Variants in ST6GALNAC1 observed in about 807,000 individuals in gnomAD.
ST6GALNAC1 encodes alpha-N-acetylgalactosaminide alpha-2,6-sialyltransferase 1.
A neutral mutation model predicts 56.8 loss-of-function variants in ST6GALNAC1; 45 were observed. That is an observed-to-expected ratio of 0.79 (90% CI 0.62 to 1.02). The LOEUF is 1.02. Among genes scored for constraint, ST6GALNAC1 ranks in the 50% least tolerant of loss-of-function variants. The probability of loss-of-function intolerance (pLI) is 0.00; values close to 1 mark genes in which losing one functional copy is unlikely to be tolerated. For missense variants in ST6GALNAC1, 743 were observed against 754.8 expected (o/e 0.98, Z 0.18); for synonymous variants, 295 against 297.8 (o/e 0.99, Z 0.10).
intron 1 of ST6GALNAC1, among the ~76,000 whole-genome samples, chr17:76,640,767 T>A (rs991019340): frequency 2.0e-5 from 3 of 152,312 alleles, no homozygotes; most frequent in Middle Eastern, 3.4e-3. Context: ...AAGGAAAAGA[T>A]GGACACATGT....
chr17:76,638,437 AGCAATCTTAGCTCACT>A (rs922031695), intron 1 of ST6GALNAC1, among the ~76,000 whole-genome samples: 7 of 151,578 alleles, frequency 4.6e-5, no homozygotes, highest in African/African-American at 1.5e-4. Flanking sequence ...AGTGCAGTAG[AGCAATCTTAGCTCACT>A]GCAACCTCTG....
rs535535238 is a variant in ST6GALNAC1 at position 76,636,651 on chromosome 17, GTGGGGGTAGCCCCCACC to G, written c.131+6840_131+6856del. 5.9e-3 allele frequency among the ~76,000 whole-genome samples: 889 copies of G among 150,454 alleles called. 10 individuals are homozygous for G. The highest frequency in any genetic ancestry group is 0.021 in the African/African-American group (829 of 40,282). ...CCCGGCCAGCCTCCCCGTCCGGGAGGTGGGGGTAGCCCCCACCCAGCCGCCGCCCCGTCTGGGAGGTC... is the reference window on the plus strand; with the variant it reads ...CCCGGCCAGCCTCCCCGTCCGGGAGGCAGCCGCCGCCCCGTCTGGGAGGTC... On this transcript the variant is annotated intron_variant, in intron 1 of 8. Coordinates refer to ENST00000156626, the MANE Select transcript of ST6GALNAC1 (RefSeq NM_018414.5).
downstream of ST6GALNAC1, among the ~76,000 whole-genome samples, chr17:76,620,602 G>C (rs942305715): frequency 7.4e-5 from 11 of 148,752 alleles, no homozygotes; most frequent in Non-Finnish European, 1.5e-4. Flanking sequence ...TTGAGATGAA[G>C]TCTTGCTCTG....
intron 1 of ST6GALNAC1, among the ~76,000 whole-genome samples, chr17:76,642,108 ATATT>A (rs1156840149): frequency 4.0e-5 from 6 of 151,630 alleles, no homozygotes; most frequent in African/African-American, 1.5e-4. Flanking sequence ...TATAGCGTAT[ATATT>A]GTATATATAT....
At chr17:76,629,999 G>A (rs1183746217) in intron 1 of ST6GALNAC1, among the ~76,000 whole-genome samples, 1 of 151,954 alleles carries the variant, frequency 6.6e-6, no homozygotes, top group East Asian at 1.9e-4. Flanking sequence ...GGCCAGGCTG[G>A]TCTTGAACTC....
In ST6GALNAC1 at chr17:76,629,577, T is replaced by A. The variant is rs780175462; in HGVS notation, c.266A>T (p.Gln89Leu). 1 of 1,613,958 alleles carries A rather than the reference T, an allele frequency of 6.2e-7. No individual in the cohort carries two copies. The highest frequency in any genetic ancestry group is 1.1e-5 in the South Asian group (1 of 91,062). Residue 89 changes from glutamine to leucine, a missense_variant, in exon 2 of 9, where the codon CAA becomes CTA. Physicochemically the swap from Gln to Leu is moderately radical, Grantham distance 113. Coordinates refer to ENST00000156626, the MANE Select transcript of ST6GALNAC1 (RefSeq NM_018414.5). ...PVPENNALNT[Q>L]TQPKAHTTGD... Reference sequence around the variant, plus strand: ...GGTGGTGTGGGCCTTGGGCTGGGTTTGTGTGTTGAGGGCATTGTTCTCTGG... The same window carrying A: ...GGTGGTGTGGGCCTTGGGCTGGGTTAGTGTGTTGAGGGCATTGTTCTCTGG...
chr17:76,633,240 G>A (rs1179453322), intron 1 of ST6GALNAC1, among the ~76,000 whole-genome samples: 1 of 151,978 alleles, frequency 6.6e-6, no homozygotes, highest in African/African-American at 2.4e-5. Flanking sequence ...GCCAGGCGTG[G>A]TGGCTCACGC....
chr17:76,634,161 G>T (rs958716164), intron 1 of ST6GALNAC1, among the ~76,000 whole-genome samples: 2 of 152,218 alleles, frequency 1.3e-5, no homozygotes, highest in East Asian at 1.9e-4. Flanking sequence ...GTTGCGCCTG[G>T]TATGTGGGAA....
downstream of ST6GALNAC1, among the ~76,000 whole-genome samples, chr17:76,624,354 A>G (rs553514166): frequency 2.6e-5 from 4 of 152,080 alleles, no homozygotes; most frequent in East Asian, 7.7e-4. Context: ...GGTTCAAGTG[A>G]TTCTCCTGTC....
Position 76,625,537 on chromosome 17 carries a change from G to A in ST6GALNAC1, c.1606-10C>T, listed in dbSNP as rs775409453. 1.9e-5 allele frequency: 31 copies of A among 1,612,840 alleles called. No individual in the cohort carries two copies. The highest frequency in any genetic ancestry group is 2.4e-5 in the Non-Finnish European group (28 of 1,179,846). ...AGCCATAAGCACTCACCTACATCAC[G>A]GTTGGAGGAGAAACACGGCCTGTAG... On this transcript the variant is annotated splice_polypyrimidine_tract_variant and intron_variant, in intron 8 of 8. Coordinates refer to ENST00000156626, the MANE Select transcript of ST6GALNAC1 (RefSeq NM_018414.5).
Position 76,626,752 on chromosome 17 carries a change from C to T in ST6GALNAC1, c.1210G>A (p.Val404Met). Residue 404 changes from valine to methionine, a missense_variant, in exon 5 of 9, where the codon GTG becomes ATG. Coordinates refer to ENST00000156626, the MANE Select transcript of ST6GALNAC1 (RefSeq NM_018414.5). Reference sequence around the variant, plus strand: ...CCGTAGAAGGATGTCCGAGTCCCCACATCCTGTTCGTAGCCTTTAATGAGA... The same window carrying T: ...CCGTAGAAGGATGTCCGAGTCCCCATATCCTGTTCGTAGCCTTTAATGAGA... ...GALIKGYEQDVGTRTSFYGFT... is the reference protein window; with the variant it reads ...GALIKGYEQDMGTRTSFYGFT... 1.2e-6 allele frequency: 2 copies of T among 1,614,234 alleles called. No homozygotes were observed. The highest frequency in any genetic ancestry group is 1.7e-6 in the Non-Finnish European group (2 of 1,180,038).
chr17:76,631,061 ATC>A (rs202243154), intron 1 of ST6GALNAC1, among the ~76,000 whole-genome samples: 4,349 of 78,046 alleles, frequency 0.056, 98 homozygotes, highest in South Asian at 0.11. Flanking sequence ...TGCCCAGCTA[ATC>A]TCTGTGTGTG....
chr17:76,621,470 C>T (rs919912369), downstream of ST6GALNAC1, among the ~76,000 whole-genome samples: 15 of 150,870 alleles, frequency 9.9e-5, no homozygotes, highest in East Asian at 3.9e-4. Context: ...CATAAGCCAC[C>T]GCACCCGGGC....
Position 76,625,191 on chromosome 17 carries a change from T to G in ST6GALNAC1, c.*139A>C. On this transcript the variant is annotated 3_prime_UTR_variant, in exon 9 of 9. Transcript: ENST00000156626. Reference sequence around the variant, plus strand: ...TGCCATCTTGAGAGAGTCTTGTCCATGGTTCAAGTGTTCCCTTGGAACTCC... The same window carrying G: ...TGCCATCTTGAGAGAGTCTTGTCCAGGGTTCAAGTGTTCCCTTGGAACTCC... 2.4e-6 allele frequency: 2 copies of G among 841,176 alleles called. No individual in the cohort carries two copies. The highest frequency in any genetic ancestry group is 1.8e-6 in the Non-Finnish European group (1 of 552,268). 52.1% of individuals were successfully genotyped at this position (841,176 alleles called of 1,614,324 possible). A position where few individuals can be genotyped will look rare whatever the true frequency, so the allele number is the denominator to read the frequency against.
At chr17:76,637,654 G>C in intron 1 of ST6GALNAC1, 1 of 398,856 alleles carries the variant, frequency 2.5e-6, no homozygotes, top group Non-Finnish European at 4.4e-6. Context: ...GGCTGTTTCA[G>C]CAGCTACTCA....
Position 76,642,003 on chromosome 17 carries a change from T to C in ST6GALNAC1, c.131+1505A>G, listed in dbSNP as rs571121560. 17 of 16,146 alleles carry C rather than the reference T, an allele frequency of 1.1e-3. No individual in the cohort carries two copies. In the South Asian group the frequency reaches 0.065, roughly 62 times the overall value. The allele number at this position is 16,146 out of a possible 1,614,324, so 1.0% of individuals were successfully genotyped here. On this transcript the variant is annotated intron_variant, in intron 1 of 8. Transcript: ENST00000156626. Reference sequence around the variant, plus strand: ...TCTTGTGCATATATATGTAAATCTATATGATATATATGTGTATATATCTAT... The same window carrying C: ...TCTTGTGCATATATATGTAAATCTACATGATATATATGTGTATATATCTAT...
At chr17:76,619,653 T>C in the ST6GALNAC1 span, among the ~76,000 whole-genome samples, 2 of 152,154 alleles carry the variant, frequency 1.3e-5, no homozygotes, top group African/African-American at 4.8e-5. Flanking sequence ...ATGTTTGTTA[T>C]CCTTTTTGTC....
Position 76,624,931 on chromosome 17 carries a change from T to G in ST6GALNAC1, c.*399A>C. 1 of 231,342 alleles carries G rather than the reference T, an allele frequency of 4.3e-6. No homozygotes were observed. Among genetic ancestry groups the G allele is most frequent in the Non-Finnish European group, 8.5e-6 (1 of 117,082 alleles). The allele number at this position is 231,342 out of a possible 1,614,324, so 14.3% of individuals were successfully genotyped here. ...GTCTTCTAGACAATCTGTAGTGAAG[T>G]TAAGTAATACCTTCAAGATTTCACA... is the stretch of plus-strand genomic sequence containing the variant. On this transcript the variant is annotated 3_prime_UTR_variant, in exon 9 of 9. Transcript: ENST00000156626.
At chr17:76,620,776 GATCCTC>G, downstream of ST6GALNAC1, among the ~76,000 whole-genome samples, 1 of 151,722 alleles carries the variant, frequency 6.6e-6, no homozygotes, top group Non-Finnish European at 1.5e-5. Flanking sequence ...TTTTTGTAGA[GATCCTC>G]ATCTTCTTTG....
Sources: gnomAD v4.1 joint callset for allele counts (sites outside exome capture counted in the v4.1 genomes callset) on GRCh38, gnomAD v4.1.1 for gene constraint, MANE v1.5 for transcripts, NCBI Gene and HGNC (gene_info 2026-07-23, HGNC 2026-07-21) for gene names.